The following MMP28 variants were observed in gnomAD, a reference collection of about 807,000 sequenced individuals.
MMP28 encodes matrix metallopeptidase 28.
In MMP28, 55 loss-of-function variants were observed where a neutral mutation model predicts 60.5. That is an observed-to-expected ratio of 0.91 (90% CI 0.73 to 1.14). The LOEUF (loss-of-function observed/expected upper bound fraction) is 1.14. MMP28 is among the 50% of genes most tolerant of loss of function. MMP28 has a pLI of 0.00. For missense variants in MMP28, 686 were observed against 738.3 expected (o/e 0.93, Z 0.82); for synonymous variants, 318 against 312.5 (o/e 1.02, Z -0.18).
chr17:35,767,550 C>CT (rs2085983572), intron 7 of MMP28, among the ~76,000 whole-genome samples: 1 of 152,190 alleles, frequency 6.6e-6, no homozygotes, highest in Admixed American at 6.5e-5. Flanking sequence ...CTCCCTGGGA[C>CT]TTTGACACTT....
intron 1 of MMP28, among the ~76,000 whole-genome samples, chr17:35,791,123 A>G (rs1441387064): frequency 6.6e-6 from 1 of 151,598 alleles, no homozygotes; most frequent in African/African-American, 2.4e-5. Context: ...CATGTGTTTT[A>G]AAGTCCAACT....
At chr17:35,764,033 G>A, downstream of MMP28, 4 of 1,546,962 alleles carry the variant, frequency 2.6e-6, no homozygotes, top group South Asian at 3.6e-5. Context: ...GTGGAAGAAG[G>A]AAACGGAAGA....
intron 4 of MMP28, among the ~76,000 whole-genome samples, chr17:35,771,696 A>AATATATATATATATATAT (rs71366482): frequency 2.0e-5 from 1 of 50,604 alleles, no homozygotes; most frequent in Non-Finnish European, 3.9e-5. Flanking sequence ...TATAGAAGTG[A>AATATATATATATATATAT]ATATATATAT....
At chr17:35,764,191 C>T (rs2085885282), downstream of MMP28, 1 of 1,548,058 alleles carries the variant, frequency 6.5e-7, no homozygotes, top group African/African-American at 1.4e-5. Flanking sequence ...GCGAGCGGCG[C>T]TCAGTGTCCT....
intron 2 of MMP28, 30 bp downstream of exon 2, chr17:35,779,214 C>T: frequency 1.3e-6 from 2 of 1,593,308 alleles, no homozygotes; most frequent in East Asian, 2.3e-5. Context: ...AGCACCCCTA[C>T]CCCAAGTCCT....
At chr17:35,775,483 G>A (rs2086298757) in intron 3 of MMP28, among the ~76,000 whole-genome samples, 1 of 152,224 alleles carries the variant, frequency 6.6e-6, no homozygotes, top group Non-Finnish European at 1.5e-5. Context: ...TGGGAAGGGG[G>A]AGGAGAACTA....
chr17:35,764,115 G>A (rs1477718502), downstream of MMP28: 15 of 1,550,114 alleles, frequency 9.7e-6, no homozygotes, highest in Non-Finnish European at 1.2e-5. Context: ...GACAACCAGA[G>A]GCCGCTGGAG....
chr17:35,765,649 T>A (rs143267180), downstream of MMP28, among the ~76,000 whole-genome samples: 975 of 152,280 alleles, frequency 6.4e-3, 4 homozygotes, highest in Non-Finnish European at 0.011. Context: ...CCTTGACCTC[T>A]CCCTGCTGCA....
At chr17:35,771,290 G>A (rs927006926) in intron 4 of MMP28, among the ~76,000 whole-genome samples, 1 of 151,970 alleles carries the variant, frequency 6.6e-6, no homozygotes, top group Non-Finnish European at 1.5e-5. Context: ...AAGTAGCCAG[G>A]CGTGGTGGCG....
chr17:35,794,189 G>A (rs77128007), intron 1 of MMP28, among the ~76,000 whole-genome samples: 3,242 of 151,632 alleles, frequency 0.021, 67 homozygotes, highest in East Asian at 0.11. Flanking sequence ...AAGAACACAA[G>A]CAGACATGCT....
chr17:35,770,282 CG>C lies in MMP28; in HGVS notation c.634del (p.Arg212AlafsTer15). On this transcript the variant is annotated frameshift_variant, in exon 5 of 8. Coordinates refer to ENST00000605424, the MANE Select transcript of MMP28 (RefSeq NM_024302.5). LOFTEE classifies it high-confidence loss of function. ...GGALAHAFLP[R>X]RGEAHFDQDE... is the part of the protein sequence containing the mutation. Reference sequence around the variant, plus strand: ...TTGGTCGAAGTGCGCTTCGCCGCGGCGGGGCAGGAAGGCGTGCGCCAGGGCG... The same window carrying C: ...TTGGTCGAAGTGCGCTTCGCCGCGGCGGGCAGGAAGGCGTGCGCCAGGGCG... 1 of 1,555,090 alleles carries C rather than the reference CG, an allele frequency of 6.4e-7. No homozygotes were observed.
chr17:35,794,419 T>C (rs2086905192), intron 1 of MMP28, among the ~76,000 whole-genome samples: 1 of 151,852 alleles, frequency 6.6e-6, no homozygotes, highest in African/African-American at 2.4e-5. Context: ...CTAATTTTTG[T>C]ATTTTTAATA....
At chr17:35,757,549 A>C (rs1490872371) in intron 2 of MMP28, 1 of 152,154 alleles carries the variant, frequency 6.6e-6, no homozygotes, top group Non-Finnish European at 1.5e-5. Flanking sequence ...CACTGAACCA[A>C]TCCTGGAGCC....
At chr17:35,782,046 T>G (rs2086519744) in intron 1 of MMP28, among the ~76,000 whole-genome samples, 1 of 142,948 alleles carries the variant, frequency 7.0e-6, no homozygotes, top group Admixed American at 6.8e-5. Context: ...ATGTTGTATT[T>G]CTCTCTTTTT....
chr17:35,764,183 G>C, downstream of MMP28: 1 of 1,548,278 alleles, frequency 6.5e-7, no homozygotes. Context: ...CGAAGGCCGC[G>C]AGCGGCGCTC....
At chr17:35,770,039 A>G in intron 5 of MMP28, 28 bp downstream of exon 5, 1 of 1,518,526 alleles carries the variant, frequency 6.6e-7, no homozygotes. Flanking sequence ...GAGTGGGACC[A>G]AGAGCGGGGC....
downstream of MMP28, among the ~76,000 whole-genome samples, chr17:35,763,281 CT>C (rs1279405771): frequency 4.6e-5 from 7 of 151,480 alleles, no homozygotes; most frequent in Non-Finnish European, 1.0e-4. Context: ...AAAAAAAAAT[CT>C]TTTTTAATTG....
At chr17:35,788,586 G>A (rs1047224822) in intron 1 of MMP28, among the ~76,000 whole-genome samples, 1 of 152,050 alleles carries the variant, frequency 6.6e-6, no homozygotes, top group Admixed American at 6.6e-5. Flanking sequence ...CCACACCCAG[G>A]CTTCTGGGTT....
chr17:35,763,100 C>T (rs1191915047), downstream of MMP28, among the ~76,000 whole-genome samples: 9 of 143,418 alleles, frequency 6.3e-5, no homozygotes, highest in Admixed American at 4.3e-4. Flanking sequence ...CCAGCCTGGG[C>T]GACAGAGCGA....
Sources: allele counts gnomAD v4.1 joint callset (sites outside exome capture counted in the v4.1 genomes callset), GRCh38; gene constraint gnomAD v4.1.1; transcripts MANE v1.5; gene names NCBI Gene and HGNC (gene_info 2026-07-23, HGNC 2026-07-21).